Variants in NCALD observed in about 807,000 individuals in gnomAD.
The protein encoded by NCALD is neurocalcin delta.
A neutral mutation model predicts 18.6 loss-of-function variants in NCALD; 10 were observed. That is an observed-to-expected ratio of 0.54 (90% confidence interval 0.33 to 0.91). The LOEUF (loss-of-function observed/expected upper bound fraction) is 0.91, where lower values mean the gene tolerates loss of function less well. Ranked by LOEUF, NCALD falls within the 40% of genes least tolerant of loss-of-function variation. The probability of loss-of-function intolerance (pLI) is 0.03; values close to 1 mark genes in which losing one functional copy is unlikely to be tolerated. For missense variants in NCALD, 184 were observed against 247.6 expected (o/e 0.74, Z 1.72); for synonymous variants, 88 against 87.4 (o/e 1.01, Z -0.04).
chr8:101,879,762 A>C (rs2131450764), intron 4 of NCALD, among the ~76,000 whole-genome samples: 1 of 152,282 alleles, frequency 6.6e-6, no homozygotes, highest in Middle Eastern at 3.4e-3. Context: ...AAGTTTTCCA[A>C]GTCCCCACTA....
chr8:101,746,364 A>G (rs909541157), intron 1 of NCALD, among the ~76,000 whole-genome samples: 1 of 152,238 alleles, frequency 6.6e-6, no homozygotes, highest in African/African-American at 2.4e-5. Context: ...GTATGGACCA[A>G]ATGAGGTACT....
chr8:101,893,435 C>T (rs1410895423), intron 3 of NCALD, among the ~76,000 whole-genome samples: 26 of 149,448 alleles, frequency 1.7e-4, no homozygotes, highest in African/African-American at 6.5e-4. Flanking sequence ...ACCATCGAGA[C>T]TAGGAAGAAA....
At chr8:101,798,565 A>G (rs1459602714) in intron 4 of NCALD, among the ~76,000 whole-genome samples, 1 of 152,246 alleles carries the variant, frequency 6.6e-6, no homozygotes, top group Admixed American at 6.5e-5. Context: ...TCAACATAGC[A>G]AAGATATCAA....
intron 1 of NCALD, among the ~76,000 whole-genome samples, chr8:101,746,484 T>G (rs1190257367): frequency 6.6e-6 from 1 of 152,212 alleles, no homozygotes; most frequent in East Asian, 1.9e-4. Flanking sequence ...CATAATTTCA[T>G]GTTCACTTCA....
chr8:102,073,759 T>G (rs1824256220), intron 1 of NCALD, among the ~76,000 whole-genome samples: 1 of 152,186 alleles, frequency 6.6e-6, no homozygotes. Context: ...CAAGCCCCTT[T>G]GAAAGCCCTA....
At chr8:101,924,165 G>GA (rs1298361998) in intron 2 of NCALD, among the ~76,000 whole-genome samples, 3 of 152,064 alleles carry the variant, frequency 2.0e-5, no homozygotes, top group African/African-American at 7.2e-5. Flanking sequence ...GAAACTCTGA[G>GA]AACATTTAGA....
chr8:102,094,646 G>A (rs1005665404), intron 1 of NCALD, among the ~76,000 whole-genome samples: 10 of 152,290 alleles, frequency 6.6e-5, no homozygotes, highest in Non-Finnish European at 7.4e-5. Context: ...TTTTATCTTC[G>A]AAAGTCCTAA....
chr8:102,101,188 C>A (rs989562127), intron 1 of NCALD, among the ~76,000 whole-genome samples: 3 of 152,186 alleles, frequency 2.0e-5, no homozygotes, highest in Non-Finnish European at 4.4e-5. Context: ...AGTGTGCACG[C>A]GTCCTCTCTA....
At chr8:102,005,425 G>C (rs960923283) in intron 2 of NCALD, among the ~76,000 whole-genome samples, 28 of 152,290 alleles carry the variant, frequency 1.8e-4, no homozygotes, top group African/African-American at 6.0e-4. Context: ...TTACACTGTT[G>C]GTGGGACTGT....
chr8:101,709,163 C>A (rs1815668235), intron 2 of NCALD, among the ~76,000 whole-genome samples: 1 of 152,178 alleles, frequency 6.6e-6, no homozygotes, highest in African/African-American at 2.4e-5. Flanking sequence ...GTTTAAATAC[C>A]CGCTAGAGGA....
In NCALD at chr8:101,993,902, T is replaced by A. The variant is rs574794020; in HGVS notation, c.-157+26335A>T. On this transcript the variant is annotated intron_variant, in intron 2 of 6. Coordinates refer to the NCALD transcript ENST00000311028. ...ACTGAGATATGAATAGCATCTTCCT[T>A]ATAGAATTGATGTGAAGATTAAATG... 1.5e-4 allele frequency among the ~76,000 whole-genome samples: 23 copies of A among 152,300 alleles called. No individual in the cohort carries two copies. The East Asian group carries it at 2.3e-3, about 15-fold the overall frequency.
intron 1 of NCALD, among the ~76,000 whole-genome samples, chr8:101,765,455 A>G (rs559022862): frequency 2.6e-5 from 4 of 152,346 alleles, no homozygotes; most frequent in South Asian, 4.1e-4. Flanking sequence ...TGCAAAAAAC[A>G]TCAGATTAAA....
intron 1 of NCALD, among the ~76,000 whole-genome samples, chr8:102,093,206 C>T (rs1824982480): frequency 1.3e-5 from 2 of 151,892 alleles, no homozygotes; most frequent in South Asian, 4.2e-4. Context: ...TGAATGACTT[C>T]ACTAAACGCT....
In NCALD at chr8:101,692,806, C is replaced by T; in HGVS notation, c.469G>A (p.Asp157Asn). 6.2e-7 allele frequency: 1 copy of T among 1,613,408 alleles called. No individual in the cohort carries two copies. Among genetic ancestry groups the T allele is most frequent in the East Asian group, 2.2e-5 (1 of 44,872 alleles). Residue 157 changes from aspartate to asparagine, a missense_variant, in exon 3 of 4, where the codon GAC becomes AAC. Transcript: ENST00000220931. ...CGCCTCCTACCGTCTCTATTGGTGTCCATCTGGCGGAAGATCTTTTCTGTT... is the reference window on the plus strand; with the variant it reads ...CGCCTCCTACCGTCTCTATTGGTGTTCATCTGGCGGAAGATCTTTTCTGTT... Reference protein sequence around the residue: ...KRTEKIFRQMDTNRDGKLSLE... With the variant: ...KRTEKIFRQMNTNRDGKLSLE...
At chr8:101,694,519 T>C (rs893981616) in intron 2 of NCALD, 3 of 152,220 alleles carry the variant, frequency 2.0e-5, no homozygotes, top group African/African-American at 7.2e-5. Flanking sequence ...TCCCTGAGTC[T>C]GTCTCAAACC....
intron 4 of NCALD, among the ~76,000 whole-genome samples, chr8:101,810,778 T>A (rs1034599725): frequency 1.3e-5 from 2 of 152,172 alleles, no homozygotes; most frequent in African/African-American, 4.8e-5. Flanking sequence ...ATTTCTTTTT[T>A]TAATGCAAAA....
At chr8:101,976,399 T>G (rs536910667) in intron 2 of NCALD, among the ~76,000 whole-genome samples, 208 of 152,302 alleles carry the variant, frequency 1.4e-3, no homozygotes, top group African/African-American at 4.7e-3. Flanking sequence ...ACTCTCCCTG[T>G]GCTAACTTCA....
intron 2 of NCALD, among the ~76,000 whole-genome samples, chr8:101,998,611 A>G (rs1203079259): frequency 2.0e-5 from 3 of 151,974 alleles, no homozygotes; most frequent in Non-Finnish European, 4.4e-5. Flanking sequence ...CATGATTACA[A>G]CCCTCATGGG....
rs368480274 is a variant in NCALD at position 102,084,116 on chromosome 8, C to CT, written c.-210+40120dup. Among the ~76,000 whole-genome samples, 213 of 152,310 alleles carry CT rather than the reference C, an allele frequency of 1.4e-3. 2 individuals are homozygous for CT. Among genetic ancestry groups the CT allele is most frequent in the African/African-American group, 5.0e-3 (206 of 41,560 alleles). ...AATAGATTTCCTTTCTTGTTCATGCCTTTTCTTTTGCCCTGGCCTCATTTT... is the reference window on the plus strand; with the variant it reads ...AATAGATTTCCTTTCTTGTTCATGCCTTTTTCTTTTGCCCTGGCCTCATTTT... On this transcript the variant is annotated intron_variant, in intron 1 of 6. Transcript: ENST00000311028.
Sources: allele counts gnomAD v4.1 joint callset (sites outside exome capture counted in the v4.1 genomes callset), GRCh38; gene constraint gnomAD v4.1.1; transcripts MANE v1.5; gene names NCBI Gene and HGNC (gene_info 2026-07-23, HGNC 2026-07-21).